PPM1E: variants seen among roughly 807,000 people sequenced by gnomAD.
PPM1E encodes protein phosphatase, Mg2+/Mn2+ dependent 1E.
Under a neutral mutation model 65.9 loss-of-function variants are expected in PPM1E, and 20 were observed. The observed-to-expected ratio is 0.30, with a 90% CI of 0.21 to 0.44. The LOEUF (loss-of-function observed/expected upper bound fraction) is 0.44. Among genes scored for constraint, PPM1E ranks in the 20% least tolerant of loss-of-function variants. PPM1E has a pLI of 1.00. For missense variants in PPM1E, 713 were observed against 953.1 expected, an observed-to-expected ratio of 0.75 and a Z score of 3.32; for synonymous variants, 352 against 374.9, an observed-to-expected ratio of 0.94 and a Z score of 0.70.
intron 2 of PPM1E, 113 bp downstream of exon 2, chr17:58,955,880 T>A: frequency 8.0e-7 from 1 of 1,252,596 alleles, no homozygotes; most frequent in Non-Finnish European, 1.1e-6. Context: ...TGCTGGTTGT[T>A]TATGTAGTGG....
In PPM1E at chr17:58,973,611, C is replaced by T. The variant is rs572500729; in HGVS notation, c.1210+686C>T. On this transcript the variant is annotated intron_variant, in intron 6 of 6. Coordinates refer to ENST00000308249, the MANE Select transcript of PPM1E (RefSeq NM_014906.5). ...GGGTTTGAGCCCAGGAGTTAAAGAC[C>T]AGCCTGGGCAACATAGTAAGACTTC... Among the ~76,000 whole-genome samples, 3 of 151,378 alleles carry T rather than the reference C, an allele frequency of 2.0e-5. No individual in the cohort carries two copies. The East Asian group carries it at 5.8e-4, about 29-fold the overall frequency.
At chr17:58,850,372 C>T (rs570051858) in intron 1 of PPM1E, among the ~76,000 whole-genome samples, 11 of 152,274 alleles carry the variant, frequency 7.2e-5, no homozygotes, top group Admixed American at 2.6e-4. Context: ...TTCCTCGCAT[C>T]GATGGTCTTT....
chr17:58,775,941 A>G (rs1320719050), intron 1 of PPM1E, among the ~76,000 whole-genome samples: 1 of 150,478 alleles, frequency 6.6e-6, no homozygotes. Flanking sequence ...AAAAAAAAAA[A>G]AAAAAAAAGA....
At chr17:58,786,511 A>G (rs1402876237) in intron 1 of PPM1E, among the ~76,000 whole-genome samples, 2 of 152,228 alleles carry the variant, frequency 1.3e-5, no homozygotes, top group Non-Finnish European at 2.9e-5. Flanking sequence ...TAGCATGCAC[A>G]GCATAGATAC....
At chr17:58,946,079 G>A (rs987571159) in intron 1 of PPM1E, among the ~76,000 whole-genome samples, 2 of 152,094 alleles carry the variant, frequency 1.3e-5, no homozygotes, top group Admixed American at 6.6e-5. Context: ...CTGATGCCCA[G>A]TTGCCATCCT....
chr17:58,893,266 T>C (rs1006541096), intron 1 of PPM1E, among the ~76,000 whole-genome samples: 4 of 152,196 alleles, frequency 2.6e-5, no homozygotes, highest in Admixed American at 2.6e-4. Context: ...AATGGAATAT[T>C]ATTTAGCACT....
At chr17:58,771,304 C>T (rs1473007016) in intron 1 of PPM1E, among the ~76,000 whole-genome samples, 1 of 151,512 alleles carries the variant, frequency 6.6e-6, no homozygotes, top group Non-Finnish European at 1.5e-5. Context: ...AGTTGTTTGG[C>T]ATTTCATAGT....
intron 2 of PPM1E, among the ~76,000 whole-genome samples, chr17:58,958,064 G>A (rs2029906773): frequency 6.6e-6 from 1 of 152,114 alleles, no homozygotes; most frequent in Non-Finnish European, 1.5e-5. Flanking sequence ...AATCACTTGA[G>A]CCCAGGAGTT....
chr17:58,837,218 C>T (rs1473170607), intron 1 of PPM1E, among the ~76,000 whole-genome samples: 7 of 146,320 alleles, frequency 4.8e-5, no homozygotes, highest in African/African-American at 1.8e-4. Flanking sequence ...CCACTGCACT[C>T]CAGCCTGGCT....
intron 1 of PPM1E, among the ~76,000 whole-genome samples, chr17:58,943,711 ACT>A (rs1356189404): frequency 6.6e-6 from 1 of 151,808 alleles, no homozygotes; most frequent in Non-Finnish European, 1.5e-5. Context: ...TGAGTCAGAA[ACT>A]CTGTGGATGG....
intron 1 of PPM1E, among the ~76,000 whole-genome samples, chr17:58,798,860 A>AT (rs2050232888): frequency 2.0e-5 from 3 of 151,806 alleles, no homozygotes; most frequent in Admixed American, 2.0e-4. Flanking sequence ...TGCTCGGCTA[A>AT]ATTTTGTATT....
At chr17:58,818,426 T>C (rs1192738853) in intron 1 of PPM1E, among the ~76,000 whole-genome samples, 2 of 152,214 alleles carry the variant, frequency 1.3e-5, no homozygotes, top group East Asian at 1.9e-4. Flanking sequence ...AAATAATAAA[T>C]AGATCTTTAT....
intron 1 of PPM1E, among the ~76,000 whole-genome samples, chr17:58,781,021 C>T (rs1222323109): frequency 6.6e-6 from 1 of 151,700 alleles, no homozygotes; most frequent in African/African-American, 2.4e-5. Context: ...AAATTGAAAC[C>T]TGGAAGTCTA....
intron 1 of PPM1E, among the ~76,000 whole-genome samples, chr17:58,854,741 G>A (rs1424798827): frequency 4.6e-5 from 7 of 151,864 alleles, no homozygotes; most frequent in South Asian, 4.2e-4. Flanking sequence ...TTACAGTTCC[G>A]GAATAAATCC....
At chr17:58,919,424 G>A (rs571312518) in intron 1 of PPM1E, among the ~76,000 whole-genome samples, 41 of 152,288 alleles carry the variant, frequency 2.7e-4, no homozygotes, top group African/African-American at 9.9e-4. Flanking sequence ...GTTTTAAGCA[G>A]ATAAGTGTCA....
At chr17:58,771,479 C>A (rs1370568428) in intron 1 of PPM1E, among the ~76,000 whole-genome samples, 2 of 151,630 alleles carry the variant, frequency 1.3e-5, no homozygotes, top group Non-Finnish European at 2.9e-5. Flanking sequence ...CAAAAATTAG[C>A]CAGATGTGGT....
At position 58,982,930 on chromosome 17, in the gene PPM1E, A is replaced by G; in HGVS notation, c.*1899A>G. The G allele has an allele frequency of 6.3e-7, 1 of 1,574,844 alleles. No individual in the cohort carries two copies. The highest frequency in any genetic ancestry group is 1.3e-5 in the African/African-American group (1 of 74,314). On this transcript the variant is annotated 3_prime_UTR_variant, in exon 7 of 7. Transcript: ENST00000308249. ...GTTTCAAATCAAATTATCTAAGAAA[A>G]CAAGAAAACAAAGGCAGCAGACTAT...
intron 1 of PPM1E, among the ~76,000 whole-genome samples, chr17:58,870,800 A>C (rs746614492): frequency 6.6e-6 from 1 of 152,028 alleles, no homozygotes; most frequent in South Asian, 2.1e-4. Context: ...CTAGTGGTGG[A>C]TCTCTTCTTC....
chr17:58,859,594 G>A (rs866130071), intron 1 of PPM1E, among the ~76,000 whole-genome samples: 4 of 152,206 alleles, frequency 2.6e-5, no homozygotes, highest in Non-Finnish European at 2.9e-5. Flanking sequence ...TTAGAGGAAG[G>A]AGGTGACTTT....
Sources: gnomAD v4.1 joint callset for allele counts (sites outside exome capture counted in the v4.1 genomes callset) on GRCh38, gnomAD v4.1.1 for gene constraint, MANE v1.5 for transcripts, NCBI Gene and HGNC (gene_info 2026-07-23, HGNC 2026-07-21) for gene names.